The following ASPH variants were observed in gnomAD, a reference collection of about 807,000 sequenced individuals.
ASPH encodes aspartyl/asparaginyl beta-hydroxylase.
Under a neutral mutation model 118.4 loss-of-function variants are expected in ASPH, and 100 were observed. The observed-to-expected ratio is 0.84, with a 90% CI of 0.72 to 1.00. The LOEUF (loss-of-function observed/expected upper bound fraction) is 1.00. Among genes scored for constraint, ASPH ranks in the 50% least tolerant of loss-of-function variants. The pLI is 0.00. For missense variants in ASPH, 920 were observed against 919.5 expected, an observed-to-expected ratio of 1.00 and a Z score of -0.01; for synonymous variants, 315 against 325.6, an observed-to-expected ratio of 0.97 and a Z score of 0.35.
chr8:61,545,386 G>A (rs967866628), intron 21 of ASPH, among the ~76,000 whole-genome samples: 16 of 152,160 alleles, frequency 1.1e-4, no homozygotes, highest in South Asian at 2.1e-4. Flanking sequence ...ATAAGCCACC[G>A]AGTTTATGGC....
intron 22 of ASPH, among the ~76,000 whole-genome samples, chr8:61,520,044 A>AT (rs1812378172): frequency 6.6e-6 from 1 of 152,170 alleles, no homozygotes; most frequent in African/African-American, 2.4e-5. Context: ...CCAAAACACT[A>AT]TTTTTATTGG....
chr8:61,665,734 T>C, intron 3 of ASPH: 1 of 1,001,390 alleles, frequency 1.0e-6, no homozygotes, highest in Non-Finnish European at 1.4e-6. Context: ...TTCAGAAAGT[T>C]ACTTTAATTC....
intron 14 of ASPH, among the ~76,000 whole-genome samples, chr8:61,595,417 A>T (rs1248782257): frequency 1.3e-5 from 2 of 152,270 alleles, no homozygotes; most frequent in African/African-American, 4.8e-5. Context: ...TAGATCAGTA[A>T]CAGGGATGTA....
chr8:61,544,743 T>C (rs1202155146), intron 21 of ASPH, among the ~76,000 whole-genome samples: 1 of 152,192 alleles, frequency 6.6e-6, no homozygotes, highest in East Asian at 1.9e-4. Context: ...AACCTAATTT[T>C]TGAGAACCCA....
chr8:61,707,017 G>C (rs1236057553), intron 1 of ASPH, among the ~76,000 whole-genome samples: 1 of 152,180 alleles, frequency 6.6e-6, no homozygotes, highest in East Asian at 1.9e-4. Flanking sequence ...CAACGTTTCA[G>C]ATCTTTTAGA....
chr8:61,567,112 T>A lies in ASPH; in HGVS notation c.1300+56A>T, dbSNP rs936769517. ...TAAGAGAAGAATACACTCTTCAGCT[T>A]CTTCAAGATAAAACATATGCCATTT... On this transcript the variant is annotated intron_variant, in intron 17 of 24. Coordinates refer to ENST00000379454, the MANE Select transcript of ASPH (RefSeq NM_004318.4). 127 of 1,577,200 alleles carry A rather than the reference T, an allele frequency of 8.1e-5. No homozygotes were observed. In the African/African-American group the frequency reaches 1.5e-3, roughly 19 times the overall value.
chr8:61,567,019 T>A lies in ASPH; in HGVS notation c.1300+149A>T, dbSNP rs551540972. On this transcript the variant is annotated intron_variant, in intron 17 of 24. Coordinates refer to ENST00000379454, the MANE Select transcript of ASPH (RefSeq NM_004318.4). Reference sequence around the variant, plus strand: ...ATTACAATTTCAGTTTTAGAGATGGTGAGCCTAGGACAGACACATTACTTG... The same window carrying A: ...ATTACAATTTCAGTTTTAGAGATGGAGAGCCTAGGACAGACACATTACTTG... 3.8e-5 allele frequency: 35 copies of A among 928,180 alleles called. No homozygotes were observed. The Admixed American group carries it at 1.1e-3, about 30-fold the overall frequency. 57.5% of individuals were successfully genotyped at this position (928,180 alleles called of 1,614,324 possible).
rs34108497 is a variant in ASPH at position 61,638,365 on chromosome 8, TAAA to T, written c.791-5_791-3del. On this transcript the variant is annotated splice_region_variant and splice_polypyrimidine_tract_variant and intron_variant, in intron 10 of 24. Transcript: ENST00000379454. ...CATTTTCTAGAGGTTCATATACTGC[TAAA>T]AAAAAAAAAACAGAAACAAAATCCC... The T allele has an allele frequency of 8.2e-6, 11 of 1,340,786 alleles. No homozygotes were observed. The highest frequency in any genetic ancestry group is 4.6e-5 in the Admixed American group (2 of 43,556). The allele number at this position is 1,340,786 out of a possible 1,614,324, so 83.1% of individuals were successfully genotyped here.
chr8:61,651,182 T>C lies in ASPH; in HGVS notation c.416-58A>G, dbSNP rs151214220. Reference sequence around the variant, plus strand: ...AAGCTCAAACATCAACATGGACCCCTAACACTCAAATATGACATTGGTACA... The same window carrying C: ...AAGCTCAAACATCAACATGGACCCCCAACACTCAAATATGACATTGGTACA... On this transcript the variant is annotated intron_variant, in intron 4 of 24. Transcript: ENST00000379454. The C allele has an allele frequency of 7.8e-4, 1,090 of 1,404,648 alleles. 7 individuals carry two copies. In the African/African-American group the frequency reaches 0.013, roughly 16 times the overall value. The allele number at this position is 1,404,648 out of a possible 1,614,324, so 87.0% of individuals were successfully genotyped here.
At chr8:61,685,602 A>G (rs528780253) in intron 1 of ASPH, among the ~76,000 whole-genome samples, 16 of 152,204 alleles carry the variant, frequency 1.1e-4, no homozygotes, top group African/African-American at 3.6e-4. Context: ...CAAGTCAAGA[A>G]TATATTGCCA....
chr8:61,709,114 G>C, intron 1 of ASPH, among the ~76,000 whole-genome samples: 1 of 152,104 alleles, frequency 6.6e-6, no homozygotes, highest in Non-Finnish European at 1.5e-5. Flanking sequence ...GTCCTCAGCT[G>C]TGGCCAATTT....
intron 3 of ASPH, chr8:61,676,424 A>G (rs1442784282): frequency 9.9e-7 from 1 of 1,008,126 alleles, no homozygotes; most frequent in African/African-American, 1.6e-5. Flanking sequence ...TCAAGGTCAG[A>G]GAGGTTTACA....
chr8:61,591,293 A>G (rs534879719), intron 14 of ASPH, among the ~76,000 whole-genome samples: 1 of 152,314 alleles, frequency 6.6e-6, no homozygotes, highest in African/African-American at 2.4e-5. Context: ...AGAAAATTAT[A>G]AACAACCAAT....
chr8:61,663,955 GTTT>G (rs1465239701), intron 3 of ASPH: 4 of 874,766 alleles, frequency 4.6e-6, no homozygotes, highest in Non-Finnish European at 4.1e-6. Flanking sequence ...CAAAAATCTC[GTTT>G]TTAAGATCTT....
In ASPH at chr8:61,535,043, T is replaced by C. The variant is rs373103939; in HGVS notation, c.1765-8931A>G. The stretch of plus-strand genomic sequence containing the variant: ...TGGGTGTCTCTCTTTGTTTCCAAAG[T>C]TCCTCTTCTTATAAGGACACCAATC... On this transcript the variant is annotated intron_variant, in intron 21 of 24. Transcript: ENST00000379454. 6.2e-4 allele frequency among the ~76,000 whole-genome samples: 95 copies of C among 152,342 alleles called. 1 individual carries two copies. The Middle Eastern group carries it at 0.027, about 44-fold the overall frequency.
chr8:61,541,722 A>G (rs181181982), intron 21 of ASPH, among the ~76,000 whole-genome samples: 337 of 152,248 alleles, frequency 2.2e-3, no homozygotes, highest in Admixed American at 3.8e-3. Context: ...TATAGTTCTC[A>G]AAGTACAATC....
intron 1 of ASPH, among the ~76,000 whole-genome samples, chr8:61,707,133 A>C (rs1205344279): frequency 6.6e-6 from 1 of 152,208 alleles, no homozygotes; most frequent in East Asian, 1.9e-4. Context: ...AATATATTAA[A>C]ATCTTAAAAT....
At chr8:61,708,660 G>A (rs1300712028) in intron 1 of ASPH, among the ~76,000 whole-genome samples, 1 of 152,192 alleles carries the variant, frequency 6.6e-6, no homozygotes, top group East Asian at 1.9e-4. Context: ...AGAAAAGGCA[G>A]TTACAACAAT....
chr8:61,663,494 G>T (rs1390082038), intron 3 of ASPH: 1 of 985,294 alleles, frequency 1.0e-6, no homozygotes, highest in African/African-American at 1.7e-5. Context: ...AACCAGCACA[G>T]TTAAGACTTA....
Sources: allele counts gnomAD v4.1 joint callset (sites outside exome capture counted in the v4.1 genomes callset), GRCh38; gene constraint gnomAD v4.1.1; transcripts MANE v1.5; gene names NCBI Gene and HGNC (gene_info 2026-07-23, HGNC 2026-07-21).